The following TMC1 variants were observed in gnomAD, a reference collection of about 807,000 sequenced individuals.
TMC1 encodes transmembrane channel-like protein 1.
Under a neutral mutation model 105.8 loss-of-function variants are expected in TMC1, and 84 were observed. The ratio of observed to expected loss-of-function variants is 0.79; its 90% CI spans 0.67 to 0.95. TMC1 has a LOEUF of 0.95. Ranked by LOEUF, TMC1 falls within the 40% of genes least tolerant of loss-of-function variation. The pLI is 0.00. For missense variants in TMC1, 817 were observed against 914.1 expected (o/e 0.89, Z 1.37); for synonymous variants, 315 against 311.5 (o/e 1.01, Z -0.12).
intron 9 of TMC1, 53 bp downstream of exon 9, chr9:72,740,262 A>AATATGT: frequency 1.3e-6 from 2 of 1,495,308 alleles, no homozygotes; most frequent in Non-Finnish European, 1.9e-6. Context: ...TAAGAAGAAC[A>AATATGT]CTGGTTCTTT....
intron 1 of TMC1, among the ~76,000 whole-genome samples, chr9:72,564,933 C>T (rs1191501643): frequency 6.6e-6 from 1 of 152,196 alleles, no homozygotes; most frequent in East Asian, 1.9e-4. Context: ...AAATTAAATA[C>T]AGTAGTTTTA....
chr9:72,712,866 A>G (rs896791614), intron 8 of TMC1, among the ~76,000 whole-genome samples: 3 of 152,012 alleles, frequency 2.0e-5, no homozygotes, highest in Non-Finnish European at 2.9e-5. Flanking sequence ...GGGAATGCTT[A>G]TGCTTCCAGT....
intron 1 of TMC1, among the ~76,000 whole-genome samples, chr9:72,571,641 T>C (rs1351402543): frequency 6.6e-6 from 1 of 151,634 alleles, no homozygotes; most frequent in East Asian, 2.0e-4. Flanking sequence ...AAAGATGGGG[T>C]TTCACCATGT....
chr9:72,758,562 T>C (rs922731163), intron 12 of TMC1, among the ~76,000 whole-genome samples: 3 of 152,178 alleles, frequency 2.0e-5, no homozygotes, highest in Admixed American at 6.5e-5. Context: ...TGAGCACAGA[T>C]TGTCTTGAGT....
chr9:72,823,925 A>G (rs1441643193), intron 20 of TMC1, among the ~76,000 whole-genome samples: 1 of 152,266 alleles, frequency 6.6e-6, no homozygotes. Context: ...ACCTGAAATA[A>G]CAACTTTTTA....
At chr9:72,777,106 T>G (rs2118142284) in intron 13 of TMC1, among the ~76,000 whole-genome samples, 1 of 152,312 alleles carries the variant, frequency 6.6e-6, no homozygotes, top group Non-Finnish European at 1.5e-5. Context: ...ACACCATTTC[T>G]AAATCAACGA....
intron 1 of TMC1, among the ~76,000 whole-genome samples, chr9:72,559,793 C>T (rs34809480): frequency 0.056 from 8,525 of 152,144 alleles, 302 homozygotes; most frequent in Middle Eastern, 0.088. Flanking sequence ...AATAGAAACA[C>T]AGAAATGATG....
chr9:72,539,207 A>T (rs1161320881), intron 1 of TMC1, among the ~76,000 whole-genome samples: 1 of 145,716 alleles, frequency 6.9e-6, no homozygotes, highest in Non-Finnish European at 1.5e-5. Flanking sequence ...ACATGGCAAA[A>T]CCCCATCTCT....
intron 21 of TMC1, among the ~76,000 whole-genome samples, chr9:72,828,694 C>G (rs1588105016): frequency 6.6e-6 from 1 of 152,308 alleles, no homozygotes; most frequent in East Asian, 1.9e-4. Flanking sequence ...AATTCTGCCC[C>G]AAGTCAAGTG....
At chr9:72,648,751 A>G (rs1461953977) in intron 5 of TMC1, 87 bp downstream of exon 5, 6 of 1,253,066 alleles carry the variant, frequency 4.8e-6, no homozygotes, top group Non-Finnish European at 7.0e-6. Context: ...AGTTTGTTTT[A>G]CAATTTTTGT....
At chr9:72,787,579 A>T (rs1183531994) in intron 13 of TMC1, among the ~76,000 whole-genome samples, 1 of 152,102 alleles carries the variant, frequency 6.6e-6, no homozygotes, top group Non-Finnish European at 1.5e-5. Flanking sequence ...TATATAGGAT[A>T]TAGATCTCTA....
At chr9:72,677,065 A>G (rs903430559) in intron 5 of TMC1, among the ~76,000 whole-genome samples, 1 of 151,718 alleles carries the variant, frequency 6.6e-6, no homozygotes, top group Non-Finnish European at 1.5e-5. Context: ...GACTGCTTTC[A>G]TCAAGGTAAT....
intron 2 of TMC1, among the ~76,000 whole-genome samples, chr9:72,606,097 C>T (rs1279512386): frequency 1.3e-5 from 2 of 152,150 alleles, no homozygotes; most frequent in Non-Finnish European, 2.9e-5. Flanking sequence ...CCATAGACAC[C>T]TGTCATGAGG....
chr9:72,832,351 T>C (rs543837040), intron 23 of TMC1, among the ~76,000 whole-genome samples: 2 of 152,332 alleles, frequency 1.3e-5, no homozygotes, highest in South Asian at 4.1e-4. Context: ...GGCTGACCTT[T>C]ATGGCAGCAG....
At chr9:72,540,501 CTT>C (rs33939022) in intron 1 of TMC1, among the ~76,000 whole-genome samples, 1 of 151,676 alleles carries the variant, frequency 6.6e-6, no homozygotes, top group African/African-American at 2.4e-5. Flanking sequence ...CTCGTTCTGA[CTT>C]TTTTTTCTTT....
At chr9:72,752,305 G>A (rs1482807684) in intron 11 of TMC1, among the ~76,000 whole-genome samples, 3 of 152,260 alleles carry the variant, frequency 2.0e-5, no homozygotes, top group Non-Finnish European at 2.9e-5. Context: ...TTGACACCTT[G>A]TGAGTTGTAT....
chr9:72,674,914 TTGA>T (rs1223262905), intron 5 of TMC1, among the ~76,000 whole-genome samples: 4 of 152,192 alleles, frequency 2.6e-5, no homozygotes, highest in African/African-American at 9.6e-5. Flanking sequence ...CATCAGGCTA[TTGA>T]TGATAATTGT....
rs75866354 is a variant in TMC1 at position 72,767,141 on chromosome 9, C to T, written c.742-5272C>T. ...ATGCTAAGGTGTAAATAACCAGCAA[C>T]AACTCAGAGAAAAGTAGAAATACAC... On this transcript the variant is annotated intron_variant, in intron 12 of 23. Coordinates refer to ENST00000297784, the MANE Select transcript of TMC1 (RefSeq NM_138691.3). Among the ~76,000 whole-genome samples the T allele has an allele frequency of 8.8e-3, 1,344 of 152,338 alleles. 18 individuals carry two copies. The highest frequency in any genetic ancestry group is 0.031 in the African/African-American group (1,280 of 41,570).
At chr9:72,739,189 G>T (rs986219849) in intron 8 of TMC1, among the ~76,000 whole-genome samples, 5 of 152,166 alleles carry the variant, frequency 3.3e-5, no homozygotes, top group African/African-American at 1.2e-4. Flanking sequence ...CAGATGGCTG[G>T]CTCCTTGTGT....
Sources: allele counts gnomAD v4.1 joint callset (sites outside exome capture counted in the v4.1 genomes callset), GRCh38; gene constraint gnomAD v4.1.1; transcripts MANE v1.5; gene names NCBI Gene and HGNC (gene_info 2026-07-23, HGNC 2026-07-21).